CACNA1A: variants seen among roughly 807,000 people sequenced by gnomAD.
The protein encoded by CACNA1A is voltage-dependent P/Q-type calcium channel subunit alpha-1A.
Under a neutral mutation model 262.4 loss-of-function variants are expected in CACNA1A, and 57 were observed. The ratio of observed to expected loss-of-function variants is 0.22; its 90% CI spans 0.18 to 0.27. The LOEUF is 0.27. Among genes scored for constraint, CACNA1A ranks in the 10% least tolerant of loss-of-function variants. CACNA1A has a pLI of 1.00. For synonymous variants in CACNA1A, 1,431 were observed against 1,419.3 expected, an observed-to-expected ratio of 1.01 and a Z score of -0.18; for missense variants, 2,526 against 3,562.8, an observed-to-expected ratio of 0.71 and a Z score of 7.41.
At chr19:13,348,575 C>T (rs569216113) in intron 6 of CACNA1A, among the ~76,000 whole-genome samples, 7 of 152,024 alleles carry the variant, frequency 4.6e-5, no homozygotes, top group East Asian at 1.9e-4. Context: ...CAGTGGCTCA[C>T]GCCTGTAATC....
chr19:13,402,779 C>CATATATACACACAT (rs2059920864), intron 3 of CACNA1A, among the ~76,000 whole-genome samples: 2 of 124,458 alleles, frequency 1.6e-5, no homozygotes, highest in Admixed American at 8.3e-5. Flanking sequence ...CATATATATA[C>CATATATACACACAT]ATATATATAC....
intron 1 of CACNA1A, 40 bp downstream of exon 1, chr19:13,505,892 G>A (rs754570141): frequency 6.3e-7 from 1 of 1,591,564 alleles, no homozygotes. Context: ...AGGGAGGAGG[G>A]GGAGGCGCAG....
At chr19:13,253,405 G>A (rs1025442187) in intron 29 of CACNA1A, among the ~76,000 whole-genome samples, 7 of 150,416 alleles carry the variant, frequency 4.7e-5, no homozygotes, top group Admixed American at 1.3e-4. Context: ...CCTGATAGTC[G>A]GGACTATAGG....
At chr19:13,364,054 G>GTTCA (rs1382575282) in intron 5 of CACNA1A, 1 of 152,244 alleles carries the variant, frequency 6.6e-6, no homozygotes, top group African/African-American at 2.4e-5. Flanking sequence ...CTGAGCCCTG[G>GTTCA]GAGAGTGTCT....
intron 24 of CACNA1A, chr19:13,273,493 GT>G (rs762601363): frequency 4.6e-5 from 7 of 152,104 alleles, no homozygotes; most frequent in Admixed American, 3.3e-4. Context: ...CCATTGAGAA[GT>G]AGTGTTTCTT....
intron 30 of CACNA1A, among the ~76,000 whole-genome samples, chr19:13,246,294 T>C (rs2056232846): frequency 6.6e-6 from 1 of 152,086 alleles, no homozygotes; most frequent in African/African-American, 2.4e-5. Context: ...CTGGTCCCCT[T>C]GTGTTTAGAT....
intron 12 of CACNA1A, among the ~76,000 whole-genome samples, chr19:13,312,108 G>A (rs959251122): frequency 1.4e-4 from 21 of 152,166 alleles, no homozygotes; most frequent in Middle Eastern, 3.2e-3. Flanking sequence ...CGATGAGAAG[G>A]ATTGGACGTA....
chr19:13,230,358 TG>T, intron 35 of CACNA1A, 149 bp from the exon 36 acceptor site: 1 of 741,032 alleles, frequency 1.3e-6, no homozygotes, highest in Non-Finnish European at 2.2e-6. Flanking sequence ...AGAGAGAAGA[TG>T]GGGAAAGGAA....
intron 1 of CACNA1A, among the ~76,000 whole-genome samples, chr19:13,502,235 T>C (rs1206392480): frequency 2.6e-5 from 4 of 151,754 alleles, no homozygotes; most frequent in Non-Finnish European, 5.9e-5. Context: ...TGTCACCTGA[T>C]GTCAATGTGA....
At chr19:13,272,604 GGA>G (rs928108663) in intron 24 of CACNA1A, 5 of 151,700 alleles carry the variant, frequency 3.3e-5, no homozygotes, top group African/African-American at 7.3e-5. Flanking sequence ...AGAAAGAGAG[GGA>G]GAGAGAGAGA....
chr19:13,242,926 A>G (rs1273022047), intron 31 of CACNA1A, among the ~76,000 whole-genome samples: 1 of 152,210 alleles, frequency 6.6e-6, no homozygotes, highest in East Asian at 1.9e-4. Context: ...CTGATGTCCC[A>G]TGAACACCCC....
intron 1 of CACNA1A, among the ~76,000 whole-genome samples, chr19:13,495,787 CCCAT>C: frequency 6.6e-6 from 1 of 152,028 alleles, no homozygotes; most frequent in South Asian, 2.1e-4. Context: ...CACTCATCCA[CCCAT>C]CCAGTCATCC....
At chr19:13,487,564 G>T (rs1862256) in intron 1 of CACNA1A, among the ~76,000 whole-genome samples, 4 of 151,238 alleles carry the variant, frequency 2.6e-5, no homozygotes, top group Admixed American at 2.6e-4. Flanking sequence ...ACTACAGAGA[G>T]GTGATGGTTG....
intron 1 of CACNA1A, among the ~76,000 whole-genome samples, chr19:13,476,628 T>G (rs1196603981): frequency 6.6e-6 from 1 of 152,182 alleles, no homozygotes; most frequent in African/African-American, 2.4e-5. Context: ...TGAGATTAAA[T>G]AGAGGTGACT....
Position 13,217,951 on chromosome 19 carries a change from T to TA in CACNA1A, c.5732-3344dup, listed in dbSNP as rs1491498531. Among the ~76,000 whole-genome samples, 176 of 97,808 alleles carry TA rather than the reference T, an allele frequency of 1.8e-3. 17 individuals carry two copies. Among genetic ancestry groups the TA allele is most frequent in the Non-Finnish European group, 1.9e-3 (94 of 50,504 alleles). The allele number at this position is 97,808 out of a possible 152,430, so 64.2% of individuals were successfully genotyped here. A position where few individuals can be genotyped will look rare whatever the true frequency, so the allele number is the denominator to read the frequency against. ...TCTTTTTTTTTTTTTTTTTTTTTTT[T>TA]AAAAAAAAGAGATAGGGTCTCACTA... On this transcript the variant is annotated intron_variant, in intron 38 of 46. Coordinates refer to ENST00000360228, the MANE Select transcript of CACNA1A (RefSeq NM_001127222.2).
Position 13,235,648 on chromosome 19 carries a change from C to T in CACNA1A, c.5033G>A (p.Arg1678His), listed in dbSNP as rs2055849544. Reference protein sequence around the residue: ...IKLLRQGYTIRILLWTFVQSF... With the variant: ...IKLLRQGYTIHILLWTFVQSF... ...CTGCACAAAGGTCCAGAGAAGAATGCGGATGGTGTAACCCTGACGGAGAAG... is the reference window on the plus strand; with the variant it reads ...CTGCACAAAGGTCCAGAGAAGAATGTGGATGGTGTAACCCTGACGGAGAAG... The change falls in exon 32 of 47, where the codon CGC (arginine) becomes CAC (histidine). Residue 1678 changes from arginine (R) to histidine (H), a missense_variant. Coordinates refer to ENST00000360228, the MANE Select transcript of CACNA1A (RefSeq NM_001127222.2). 3 of 1,613,578 alleles carry T rather than the reference C, an allele frequency of 1.9e-6. No individual in the cohort carries two copies. Among genetic ancestry groups the T allele is most frequent in the Admixed American group, 1.7e-5 (1 of 59,994 alleles).
intron 1 of CACNA1A, among the ~76,000 whole-genome samples, chr19:13,456,660 CGA>C (rs1470881817): frequency 6.6e-6 from 1 of 151,856 alleles, no homozygotes; most frequent in Non-Finnish European, 1.5e-5. Flanking sequence ...GGCGACAGAG[CGA>C]GACTCTGTCT....
intron 1 of CACNA1A, among the ~76,000 whole-genome samples, chr19:13,464,641 C>G (rs912713698): frequency 6.6e-6 from 1 of 151,168 alleles, no homozygotes; most frequent in South Asian, 2.1e-4. Flanking sequence ...CTCCGCCTCC[C>G]AGGTTCACGC....
intron 3 of CACNA1A, among the ~76,000 whole-genome samples, chr19:13,399,556 G>A (rs1430767592): frequency 6.6e-6 from 1 of 152,000 alleles, no homozygotes; most frequent in Non-Finnish European, 1.5e-5. Flanking sequence ...AAGGCCTAAC[G>A]GTCAAATCCT....
Sources: gnomAD v4.1 joint callset for allele counts (sites outside exome capture counted in the v4.1 genomes callset) on GRCh38, gnomAD v4.1.1 for gene constraint, MANE v1.5 for transcripts, NCBI Gene and HGNC (gene_info 2026-07-23, HGNC 2026-07-21) for gene names.